ADARB2: variants seen among roughly 807,000 people sequenced by gnomAD.
ADARB2 encodes inactive double-stranded RNA-specific editase B2.
A neutral mutation model predicts 62.2 loss-of-function variants in ADARB2; 25 were observed. The observed-to-expected ratio is 0.40, with a 90% CI of 0.29 to 0.56. The LOEUF is 0.56. ADARB2 is among the 20% of genes least tolerant of loss of function. ADARB2 has a pLI of 0.43. For missense variants in ADARB2, 1,071 were observed against 1,077.4 expected (o/e 0.99, Z 0.08); for synonymous variants, 572 against 500.8 (o/e 1.14, Z -1.90).
chr10:1,667,108 G>T (rs1834325896), intron 1 of ADARB2, among the ~76,000 whole-genome samples: 2 of 152,194 alleles, frequency 1.3e-5, no homozygotes, highest in African/African-American at 4.8e-5. Flanking sequence ...GGAATTATTT[G>T]CGTAAATTGT....
intron 1 of ADARB2, among the ~76,000 whole-genome samples, chr10:1,480,143 A>T (rs1012724928): frequency 6.6e-6 from 1 of 152,228 alleles, no homozygotes; most frequent in African/African-American, 2.4e-5. Flanking sequence ...AAAGAGAAAG[A>T]TACTTTACCA....
intron 4 of ADARB2, among the ~76,000 whole-genome samples, chr10:1,269,070 A>G (rs1331995435): frequency 6.6e-6 from 1 of 152,192 alleles, no homozygotes; most frequent in Middle Eastern, 3.2e-3. Flanking sequence ...GCATTGCACA[A>G]TAAGGAAGCC....
At chr10:1,572,559 C>T (rs1186699688) in intron 1 of ADARB2, among the ~76,000 whole-genome samples, 1 of 152,144 alleles carries the variant, frequency 6.6e-6, no homozygotes, top group Non-Finnish European at 1.5e-5. Context: ...TTGTCATTCT[C>T]ACTTATAAAA....
intron 1 of ADARB2, among the ~76,000 whole-genome samples, chr10:1,724,356 G>A (rs1247583989): frequency 3.3e-5 from 5 of 152,154 alleles, no homozygotes; most frequent in South Asian, 2.1e-4. Context: ...TGGTGGTGTC[G>A]AAGGACACTC....
At chr10:1,702,753 GA>G (rs1487745278) in intron 1 of ADARB2, among the ~76,000 whole-genome samples, 1 of 152,208 alleles carries the variant, frequency 6.6e-6, no homozygotes, top group Non-Finnish European at 1.5e-5. Context: ...TGCTCTCGCT[GA>G]TTTTCTCCCA....
intron 1 of ADARB2, among the ~76,000 whole-genome samples, chr10:1,470,453 A>G (rs1831307100): frequency 6.6e-6 from 1 of 152,218 alleles, no homozygotes; most frequent in African/African-American, 2.4e-5. Flanking sequence ...ATCGCTGAAA[A>G]TGTCAAATTA....
intron 4 of ADARB2, among the ~76,000 whole-genome samples, chr10:1,260,153 A>T (rs1379980076): frequency 6.6e-6 from 1 of 152,230 alleles, no homozygotes; most frequent in Non-Finnish European, 1.5e-5. Context: ...GACGTATCTG[A>T]AAATAATAAG....
chr10:1,185,180 G>C (rs549890339), intron 8 of ADARB2, 141 bp from the exon 9 acceptor site: 1 of 1,155,194 alleles, frequency 8.7e-7, no homozygotes, highest in Middle Eastern at 3.0e-4. Flanking sequence ...GCCAGTTCAC[G>C]TGTCACCCGC....
chr10:1,612,386 A>C (rs2102031), intron 1 of ADARB2, among the ~76,000 whole-genome samples: 90,779 of 152,178 alleles, frequency 0.6, 28,013 homozygotes, highest in Non-Finnish European at 0.67. Flanking sequence ...GGGGCTGGAC[A>C]TAAGGAGGCG....
intron 1 of ADARB2, among the ~76,000 whole-genome samples, chr10:1,467,952 C>A (rs535094070): frequency 6.6e-6 from 1 of 152,098 alleles, no homozygotes. Flanking sequence ...GCTCCCCCAC[C>A]GCAGGGATTG....
chr10:1,179,879 C>G lies in ADARB2; in HGVS notation c.*3314G>C, dbSNP rs539145052. 1.3e-5 allele frequency: 2 copies of G among 151,962 alleles called. No homozygotes were observed. Among genetic ancestry groups the G allele is most frequent in the Non-Finnish European group, 2.9e-5 (2 of 68,022 alleles). The allele number at this position is 151,962 out of a possible 1,614,324, so 9.4% of individuals were successfully genotyped here. ...GGCGGGCCTGACTTCATCAGCCCCC[C>G]TTGTGTCGTGCCCAGCGTATTTTCA... On this transcript the variant is annotated 3_prime_UTR_variant, in exon 10 of 10. Coordinates refer to ENST00000381312, the MANE Select transcript of ADARB2 (RefSeq NM_018702.4).
At chr10:1,605,697 G>A (rs1354978338) in intron 1 of ADARB2, among the ~76,000 whole-genome samples, 1 of 152,146 alleles carries the variant, frequency 6.6e-6, no homozygotes. Context: ...AAACATTTTG[G>A]ATATATAAAG....
At chr10:1,559,998 G>A (rs1405159792) in intron 1 of ADARB2, among the ~76,000 whole-genome samples, 4 of 152,198 alleles carry the variant, frequency 2.6e-5, no homozygotes, top group Non-Finnish European at 5.9e-5. Flanking sequence ...TGGACGGCAG[G>A]TGAAAACTGT....
chr10:1,260,395 A>C (rs1208343016), intron 4 of ADARB2, among the ~76,000 whole-genome samples: 5 of 152,002 alleles, frequency 3.3e-5, no homozygotes, highest in African/African-American at 7.3e-5. Flanking sequence ...TTGTATATCT[A>C]GAAAACCCCA....
chr10:1,607,084 T>A (rs549903773), intron 1 of ADARB2, among the ~76,000 whole-genome samples: 1 of 152,358 alleles, frequency 6.6e-6, no homozygotes, highest in African/African-American at 2.4e-5. Flanking sequence ...CGTTTTGAAA[T>A]GTCTATAATT....
chr10:1,267,792 C>A (rs907636931), intron 4 of ADARB2, among the ~76,000 whole-genome samples: 1 of 152,184 alleles, frequency 6.6e-6, no homozygotes, highest in Non-Finnish European at 1.5e-5. Flanking sequence ...CCCTTCCCAG[C>A]GGAACTGTGC....
intron 3 of ADARB2, among the ~76,000 whole-genome samples, chr10:1,303,306 A>G (rs1831593125): frequency 6.6e-6 from 1 of 152,148 alleles, no homozygotes; most frequent in Non-Finnish European, 1.5e-5. Context: ...AATGAAATGA[A>G]GCGAGAAGGA....
chr10:1,205,999 G>A (rs1837056236), intron 7 of ADARB2, among the ~76,000 whole-genome samples: 1 of 152,020 alleles, frequency 6.6e-6, no homozygotes, highest in Admixed American at 6.5e-5. Context: ...GCAGCCCGCT[G>A]GGGTCAGGTG....
At chr10:1,419,255 G>A (rs141395854) in intron 1 of ADARB2, among the ~76,000 whole-genome samples, 2,619 of 152,102 alleles carry the variant, frequency 0.017, 122 homozygotes, top group East Asian at 0.12. Flanking sequence ...CACCACGCCC[G>A]TCTAATTTTT....
Sources: allele counts gnomAD v4.1 joint callset (sites outside exome capture counted in the v4.1 genomes callset), GRCh38; gene constraint gnomAD v4.1.1; transcripts MANE v1.5; gene names NCBI Gene and HGNC (gene_info 2026-07-23, HGNC 2026-07-21).